The following FAAH2 variants were observed in gnomAD, a reference collection of about 807,000 sequenced individuals.
FAAH2 encodes fatty acid amide hydrolase 2.
In FAAH2, 60 loss-of-function variants were observed where a neutral mutation model predicts 36.9. That is an observed-to-expected ratio of 1.63 (90% CI 1.32 to 2.02). The LOEUF is 2.02. Ranked by LOEUF, FAAH2 falls within the 30% of genes most tolerant of loss-of-function variation. FAAH2 has a pLI of 0.00. For synonymous variants in FAAH2, 214 were observed against 143.8 expected, an observed-to-expected ratio of 1.49 and a Z score of -3.49; for missense variants, 689 against 397.5, an observed-to-expected ratio of 1.73 and a Z score of -6.23.
chrX:57,401,045 C>T (rs2147301083), intron 7 of FAAH2, among the ~76,000 whole-genome samples: 1 of 111,633 alleles, frequency 9.0e-6, no homozygotes, highest in East Asian at 2.8e-4. Context: ...ATGGTGTGAA[C>T]CCAGGAGACA....
At chrX:57,270,151 C>T in the FAAH2 span, among the ~76,000 whole-genome samples, 1 of 111,389 alleles carries the variant, frequency 9.0e-6, no homozygotes, top group Non-Finnish European at 1.9e-5. Context: ...AATACACCCT[C>T]GCAAGACTGA....
chrX:57,245,994 A>G, the FAAH2 span, among the ~76,000 whole-genome samples: 2 of 111,810 alleles, frequency 1.8e-5, no homozygotes, highest in Non-Finnish European at 3.8e-5. Flanking sequence ...CTAACAAACA[A>G]GAAGAGAAAG....
the FAAH2 span, among the ~76,000 whole-genome samples, chrX:57,173,317 G>T: frequency 8.9e-6 from 1 of 111,813 alleles, no homozygotes; most frequent in Non-Finnish European, 1.9e-5. Context: ...GGATACTCCT[G>T]GGTATTTTAT....
intron 6 of FAAH2, among the ~76,000 whole-genome samples, chrX:57,380,521 A>G (rs2054815109): frequency 1.8e-5 from 2 of 112,023 alleles, no homozygotes; most frequent in Non-Finnish European, 3.8e-5. Context: ...CTAAAGCCTC[A>G]TTTCCGATTT....
chrX:57,402,314 C>A (rs977718333), intron 7 of FAAH2, among the ~76,000 whole-genome samples: 3 of 112,094 alleles, frequency 2.7e-5, no homozygotes, highest in Non-Finnish European at 5.6e-5. Context: ...TCCTTGTAGA[C>A]CACACTGGAA....
At chrX:57,221,116 C>T in the FAAH2 span, among the ~76,000 whole-genome samples, 13 of 111,297 alleles carry the variant, frequency 1.2e-4, no homozygotes, top group African/African-American at 4.2e-4. Context: ...TCGAGTCCCC[C>T]CTCCACTTTT....
chrX:57,310,953 C>T (rs758722093), intron 3 of FAAH2, among the ~76,000 whole-genome samples: 2 of 111,773 alleles, frequency 1.8e-5, no homozygotes, highest in South Asian at 7.5e-4. Flanking sequence ...GCTCAGTATC[C>T]ATTAATCCTT....
At chrX:57,279,865 C>A in the FAAH2 span, among the ~76,000 whole-genome samples, 1 of 111,528 alleles carries the variant, frequency 9.0e-6, no homozygotes, top group Admixed American at 9.6e-5. Context: ...TCACTTATGA[C>A]AAACTCACAG....
At chrX:57,394,709 T>C (rs937800794) in intron 7 of FAAH2, 2 of 878,975 alleles carry the variant, frequency 2.3e-6, no homozygotes, top group Non-Finnish European at 3.4e-6. Flanking sequence ...ACATAATTGA[T>C]TCCACAGTTG....
chrX:57,168,024 G>T, the FAAH2 span, among the ~76,000 whole-genome samples: 1 of 111,380 alleles, frequency 9.0e-6, no homozygotes, highest in Non-Finnish European at 1.9e-5. Flanking sequence ...ATTAAACTAT[G>T]AATTGACAGA....
chrX:57,260,615 A>G, the FAAH2 span, among the ~76,000 whole-genome samples: 1 of 111,984 alleles, frequency 8.9e-6, no homozygotes, highest in Non-Finnish European at 1.9e-5. Context: ...AAATGAGAAA[A>G]TGGCAAAACA....
chrX:57,248,979 A>G, the FAAH2 span, among the ~76,000 whole-genome samples: 5 of 109,603 alleles, frequency 4.6e-5, no homozygotes, highest in Non-Finnish European at 7.6e-5. Flanking sequence ...TATGTACCAA[A>G]GTGTATTTTG....
At chrX:57,459,798 T>A (rs997161562) in intron 10 of FAAH2, among the ~76,000 whole-genome samples, 16 of 111,185 alleles carry the variant, frequency 1.4e-4, no homozygotes, top group Non-Finnish European at 5.7e-5. Context: ...AGCAACAACA[T>A]CAACATCAGC....
intron 5 of FAAH2, among the ~76,000 whole-genome samples, chrX:57,373,129 G>T (rs930866544): frequency 1.8e-5 from 2 of 111,365 alleles, no homozygotes; most frequent in Admixed American, 9.6e-5. Context: ...CCTATTCATT[G>T]ACTGATGGGG....
intron 10 of FAAH2, among the ~76,000 whole-genome samples, chrX:57,475,123 C>A (rs918677688): frequency 6.3e-5 from 7 of 111,625 alleles, no homozygotes; most frequent in African/African-American, 1.3e-4. Flanking sequence ...GCATGCAAAT[C>A]TTTTTTTCCA....
the FAAH2 span, among the ~76,000 whole-genome samples, chrX:57,223,878 G>A: frequency 1.8e-5 from 2 of 111,534 alleles, no homozygotes; most frequent in East Asian, 5.6e-4. Context: ...TACATCCTTA[G>A]GTATAAAATG....
chrX:57,169,294 G>A, the FAAH2 span, among the ~76,000 whole-genome samples: 1 of 104,077 alleles, frequency 9.6e-6, no homozygotes, highest in Non-Finnish European at 2.0e-5. Context: ...GAGAAGCACA[G>A]TTTAGTTCAT....
the FAAH2 span, among the ~76,000 whole-genome samples, chrX:57,254,967 A>T: frequency 8.9e-6 from 1 of 111,843 alleles, no homozygotes; most frequent in African/African-American, 3.3e-5. Context: ...CCCTGAAAAA[A>T]ATCAATGAAT....
chrX:57,265,033 C>G, the FAAH2 span, among the ~76,000 whole-genome samples: 26 of 111,910 alleles, frequency 2.3e-4, no homozygotes, highest in Non-Finnish European at 1.1e-4. Context: ...AAGGGAACCT[C>G]TCTCACCCAG....
Sources: gnomAD v4.1 joint callset for allele counts (sites outside exome capture counted in the v4.1 genomes callset) on GRCh38, gnomAD v4.1.1 for gene constraint, MANE v1.5 for transcripts, NCBI Gene and HGNC (gene_info 2026-07-23, HGNC 2026-07-21) for gene names.